Variants in CCDC178 observed in about 807,000 individuals in gnomAD.
The protein encoded by CCDC178 is coiled-coil domain containing 178, also known as coiled-coil domain-containing protein 178.
Under a neutral mutation model 117.4 loss-of-function variants are expected in CCDC178, and 126 were observed. The observed-to-expected ratio is 1.07, with a 90% CI of 0.93 to 1.24. The LOEUF is 1.24. CCDC178 is among the 50% of genes most tolerant of loss of function. The pLI, the probability that CCDC178 is intolerant of heterozygous loss-of-function variation, is 0.00. For missense variants in CCDC178, 1,030 were observed against 986.9 expected, an observed-to-expected ratio of 1.04 and a Z score of -0.59; for synonymous variants, 283 against 313.4, an observed-to-expected ratio of 0.90 and a Z score of 1.02.
chr18:32,987,385 G>C (rs2144731119), intron 21 of CCDC178, among the ~76,000 whole-genome samples: 1 of 152,058 alleles, frequency 6.6e-6, no homozygotes, highest in South Asian at 2.1e-4. Flanking sequence ...AGTGTTCTTA[G>C]ATAGAGATTA....
chr18:33,412,731 A>C (rs2063875402), intron 2 of CCDC178, among the ~76,000 whole-genome samples: 1 of 152,188 alleles, frequency 6.6e-6, no homozygotes, highest in African/African-American at 2.4e-5. Flanking sequence ...CCAATAATGT[A>C]ATTAACACAA....
chr18:33,003,570 G>A (rs2055686427), intron 21 of CCDC178, among the ~76,000 whole-genome samples: 2 of 152,072 alleles, frequency 1.3e-5, no homozygotes, highest in Admixed American at 6.6e-5. Flanking sequence ...TAGATCCAAA[G>A]CTAGTATCAT....
chr18:33,427,106 T>A (rs979180390), intron 2 of CCDC178, among the ~76,000 whole-genome samples: 1 of 152,096 alleles, frequency 6.6e-6, no homozygotes, highest in African/African-American at 2.4e-5. Flanking sequence ...GTTTTCAAGA[T>A]GCAGTCACTA....
intron 21 of CCDC178, among the ~76,000 whole-genome samples, chr18:32,977,900 G>A (rs2055061293): frequency 6.6e-6 from 1 of 152,100 alleles, no homozygotes; most frequent in South Asian, 2.1e-4. Context: ...CCACAAATAT[G>A]ATAAAAAGCA....
chr18:33,269,209 A>C (rs2059856641), intron 12 of CCDC178, among the ~76,000 whole-genome samples: 1 of 151,848 alleles, frequency 6.6e-6, no homozygotes, highest in African/African-American at 2.4e-5. Context: ...GTCCAAAAAA[A>C]TTACAGGCAA....
intron 11 of CCDC178, among the ~76,000 whole-genome samples, chr18:33,301,468 C>T (rs1410413482): frequency 6.6e-6 from 1 of 152,198 alleles, no homozygotes; most frequent in Non-Finnish European, 1.5e-5. Context: ...CTTCAGCCCC[C>T]AGAATGGTAG....
At chr18:33,288,743 C>T (rs1286908355) in intron 12 of CCDC178, among the ~76,000 whole-genome samples, 1 of 152,028 alleles carries the variant, frequency 6.6e-6, no homozygotes, top group Non-Finnish European at 1.5e-5. Context: ...GATTTTCTTC[C>T]TTCCAAGTTG....
At chr18:33,182,407 C>A (rs2058742139) in intron 20 of CCDC178, among the ~76,000 whole-genome samples, 1 of 151,880 alleles carries the variant, frequency 6.6e-6, no homozygotes, top group African/African-American at 2.4e-5. Context: ...TTTAAAAAAT[C>A]AAATTATAAG....
chr18:33,370,255 T>A, intron 5 of CCDC178, 66 bp from the exon 6 acceptor site: 2 of 1,256,376 alleles, frequency 1.6e-6, no homozygotes, highest in Non-Finnish European at 1.1e-6. Context: ...ATGTTCAGAA[T>A]AAGCAAAAAA....
chr18:33,391,862 A>C (rs1427762413), intron 4 of CCDC178, among the ~76,000 whole-genome samples: 1 of 151,924 alleles, frequency 6.6e-6, no homozygotes, highest in African/African-American at 2.4e-5. Flanking sequence ...TAGGAAACAA[A>C]TAATTCTTTT....
At chr18:33,344,670 A>G (rs923282445) in intron 9 of CCDC178, among the ~76,000 whole-genome samples, 2 of 152,078 alleles carry the variant, frequency 1.3e-5, no homozygotes, top group African/African-American at 2.4e-5. Flanking sequence ...CTAACAGGGA[A>G]GAACCTCCCA....
chr18:33,139,713 C>G (rs1199336812), intron 20 of CCDC178, among the ~76,000 whole-genome samples: 1 of 152,114 alleles, frequency 6.6e-6, no homozygotes, highest in East Asian at 1.9e-4. Context: ...ATAAGGGAAG[C>G]AGAGCATAAC....
At chr18:33,101,886 T>G (rs1325559569) in intron 20 of CCDC178, among the ~76,000 whole-genome samples, 1 of 151,964 alleles carries the variant, frequency 6.6e-6, no homozygotes, top group Non-Finnish European at 1.5e-5. Flanking sequence ...CTGATGCCAC[T>G]TTACATTTGT....
intron 20 of CCDC178, among the ~76,000 whole-genome samples, chr18:33,127,013 TATAC>T (rs1156299910): frequency 6.9e-6 from 1 of 144,898 alleles, no homozygotes; most frequent in Non-Finnish European, 1.5e-5. Flanking sequence ...TATATATATA[TATAC>T]ACACACACAC....
chr18:33,068,622 C>A (rs1254747498), intron 21 of CCDC178, among the ~76,000 whole-genome samples: 3 of 152,078 alleles, frequency 2.0e-5, no homozygotes, highest in African/African-American at 4.8e-5. Flanking sequence ...TTCAACATTG[C>A]TTTATGATAA....
intron 4 of CCDC178, among the ~76,000 whole-genome samples, chr18:33,390,672 T>C (rs779046439): frequency 3.3e-5 from 5 of 152,022 alleles, no homozygotes; most frequent in Non-Finnish European, 4.4e-5. Context: ...CAGTTGCCTA[T>C]AGTAGGTGAG....
intron 20 of CCDC178, among the ~76,000 whole-genome samples, chr18:33,177,197 G>C (rs185044953): frequency 7.9e-5 from 12 of 152,080 alleles, no homozygotes; most frequent in Admixed American, 7.9e-4. Context: ...ACACACCGGG[G>C]GACTGTCAGG....
chr18:33,279,895 C>A (rs1164774818), intron 12 of CCDC178, among the ~76,000 whole-genome samples: 1 of 152,022 alleles, frequency 6.6e-6, no homozygotes, highest in East Asian at 1.9e-4. Flanking sequence ...AACTGGCTAG[C>A]CATATGTAGA....
intron 21 of CCDC178, among the ~76,000 whole-genome samples, chr18:32,990,833 T>C (rs2055373382): frequency 6.6e-6 from 1 of 151,486 alleles, no homozygotes; most frequent in East Asian, 1.9e-4. Flanking sequence ...CTGATACCAA[T>C]ATGAAAAAGA....
Sources: allele counts gnomAD v4.1 joint callset (sites outside exome capture counted in the v4.1 genomes callset), GRCh38; gene constraint gnomAD v4.1.1; transcripts MANE v1.5; gene names NCBI Gene and HGNC (gene_info 2026-07-23, HGNC 2026-07-21).